The following TBC1D9 variants were observed in gnomAD, a reference collection of about 807,000 sequenced individuals.
TBC1D9 encodes TBC1 domain family member 9A.
Under a neutral mutation model 132.0 loss-of-function variants are expected in TBC1D9, and 63 were observed. That is an observed-to-expected ratio of 0.48 (90% CI 0.39 to 0.59). TBC1D9 has a LOEUF of 0.59. Ranked by LOEUF, TBC1D9 falls within the 20% of genes least tolerant of loss-of-function variation. The pLI is 0.00. For missense variants in TBC1D9, 1,261 were observed against 1,592.7 expected (o/e 0.79, Z 3.54); for synonymous variants, 610 against 609.9 (o/e 1.00, Z 0.00).
intron 13 of TBC1D9, chr4:140,643,573 C>T: frequency 1.1e-6 from 1 of 886,380 alleles, no homozygotes; most frequent in South Asian, 1.6e-5. Flanking sequence ...GGCTGGGGCT[C>T]GCTCAGGGCC....
At chr4:140,641,105 C>CAAAAAAAAAAAAAAAAAAAAAAAA (rs1038335139) in intron 13 of TBC1D9, among the ~76,000 whole-genome samples, 4 of 59,778 alleles carry the variant, frequency 6.7e-5, no homozygotes, top group South Asian at 7.6e-4. Flanking sequence ...AAAAAAAAAA[C>CAAAAAAAAAAAAAAAAAAAAAAAA]AAAAAAAAAC....
rs35117175 is a variant in TBC1D9 at position 140,666,734 on chromosome 4, T to TAAAAA, written c.1588+2178_1588+2182dup. Among the ~76,000 whole-genome samples, 1,180 of 145,564 alleles carry TAAAAA rather than the reference T, an allele frequency of 8.1e-3. 13 individuals are homozygous for TAAAAA. Among genetic ancestry groups the TAAAAA allele is most frequent in the Non-Finnish European group, 0.012 (826 of 66,262 alleles). On this transcript the variant is annotated intron_variant, in intron 9 of 20. Transcript: ENST00000442267. Reference sequence around the variant, plus strand: ...TCATTGCACAATTCTGTGAATATACTAAAAAAAAAAAACCACTGAATTGTA... The same window carrying TAAAAA: ...TCATTGCACAATTCTGTGAATATACTAAAAAAAAAAAAAAAAACCACTGAATTGTA...
intron 9 of TBC1D9, among the ~76,000 whole-genome samples, chr4:140,663,745 G>C (rs1737400809): frequency 6.6e-6 from 1 of 151,998 alleles, no homozygotes; most frequent in South Asian, 2.1e-4. Flanking sequence ...TGATAACATG[G>C]TTGAACCCAG....
chr4:140,741,891 T>C (rs1296838927), intron 1 of TBC1D9, among the ~76,000 whole-genome samples: 1 of 152,212 alleles, frequency 6.6e-6, no homozygotes, highest in Non-Finnish European at 1.5e-5. Flanking sequence ...TTCCAATCAA[T>C]TGCCAATCAG....
At chr4:140,640,088 TA>T (rs1736960507) in intron 13 of TBC1D9, among the ~76,000 whole-genome samples, 1 of 152,142 alleles carries the variant, frequency 6.6e-6, no homozygotes, top group Admixed American at 6.5e-5. Flanking sequence ...GTGACTGCAA[TA>T]GTTAAATATA....
chr4:140,622,207 G>A lies in TBC1D9; in HGVS notation c.3789C>T (p.Ala1263=). ...LTSASDYEIS[A]MSG The stretch of plus-strand genomic sequence containing the variant: ...GAAGGCGCCCGTGTCAGCCGGACAT[G>A]GCCGAGATTTCATAGTCACTGGCCG... Residue 1263 remains alanine, a synonymous_variant, in exon 21 of 21, where the codon GCC becomes GCT. Transcript: ENST00000442267. The A allele has an allele frequency of 6.3e-7, 1 of 1,580,750 alleles. No individual in the cohort carries two copies.
In TBC1D9 at chr4:140,669,804, C is replaced by T. The variant is rs1737507730; in HGVS notation, c.1267G>A (p.Val423Met). 3 of 1,611,550 alleles carry T rather than the reference C, an allele frequency of 1.9e-6. No homozygotes were observed. The highest frequency in any genetic ancestry group is 2.5e-6 in the Non-Finnish European group (3 of 1,178,128). ...AGSYNSSDDE[V>M]YSRPSSLVSS... is the part of the protein sequence containing the mutation. ...ACGAGGCTGCTGGGTCGAGAGTACACCTGTCAATACAGAGAGGAACAAGAC... is the reference window on the plus strand; with the variant it reads ...ACGAGGCTGCTGGGTCGAGAGTACATCTGTCAATACAGAGAGGAACAAGAC... The change falls in exon 8 of 21, where the codon GTG becomes ATG. Residue 423 changes from valine (V) to methionine (M), a missense_variant and splice_region_variant. Val to Met is a conservative substitution (Grantham distance 21). Transcript: ENST00000442267.
intron 3 of TBC1D9, among the ~76,000 whole-genome samples, chr4:140,685,923 C>G (rs1248711894): frequency 6.8e-6 from 1 of 147,040 alleles, no homozygotes; most frequent in African/African-American, 2.6e-5. Context: ...TCCATAGTGA[C>G]TAGGTGACTA....
At chr4:140,697,282 G>A (rs1008827412) in intron 2 of TBC1D9, among the ~76,000 whole-genome samples, 2 of 152,056 alleles carry the variant, frequency 1.3e-5, no homozygotes, top group South Asian at 2.1e-4. Context: ...CCTGGGAGGT[G>A]GAGGTGGGAG....
rs548835567 is a variant in TBC1D9, at chr4:140,682,038, A to C, written c.361-2195T>G. ...ATATCTAGCACCTAAAAGATGTTCA[A>C]TATTACTAAATGAATCCATGTTGTT... On this transcript the variant is annotated intron_variant, in intron 3 of 20. Transcript: ENST00000442267. Among the ~76,000 whole-genome samples the C allele has an allele frequency of 6.6e-5, 10 of 152,348 alleles. No individual in the cohort carries two copies. In the South Asian group the frequency reaches 1.9e-3, roughly 28 times the overall value.
chr4:140,625,631 G>A (rs1023732696), intron 18 of TBC1D9, among the ~76,000 whole-genome samples: 4 of 152,170 alleles, frequency 2.6e-5, no homozygotes, highest in African/African-American at 7.2e-5. Context: ...TGAAAATGAT[G>A]TAGGCAACAA....
chr4:140,623,732 TA>T (rs1272607603), intron 20 of TBC1D9, among the ~76,000 whole-genome samples: 1 of 152,196 alleles, frequency 6.6e-6, no homozygotes, highest in African/African-American at 2.4e-5. Flanking sequence ...TATAATTATT[TA>T]TATTGTTTTT....
chr4:140,669,764 T>C lies in TBC1D9; in HGVS notation c.1307A>G (p.Gln436Arg), dbSNP rs768107850. 5 of 1,613,778 alleles carry C rather than the reference T, an allele frequency of 3.1e-6. No individual in the cohort carries two copies. The African/African-American group carries it at 5.3e-5, about 17-fold the overall frequency. Residue 436 changes from glutamine to arginine, a missense_variant, in exon 8 of 21, where the codon CAG (glutamine) becomes CGG (arginine). Gln to Arg is a conservative substitution (Grantham distance 43). Around this residue, in one of 3 missense-constraint regions of TBC1D9, gnomAD observed 550 missense variants for 699.0 expected, o/e 0.79. Coordinates refer to ENST00000442267, the MANE Select transcript of TBC1D9 (RefSeq NM_015130.3). ...ATCAGCATCAGAGCTCGTGCTTCTC[T>C]GGGGGCTGGAGGAGACGAGGCTGCT... ...RPSSLVSSSPQRSTSSDADGE... is the reference protein window; with the variant it reads ...RPSSLVSSSPRRSTSSDADGE...
chr4:140,640,477 A>G (rs1736968964), intron 13 of TBC1D9, among the ~76,000 whole-genome samples: 3 of 151,696 alleles, frequency 2.0e-5, no homozygotes. Flanking sequence ...GGTGATTTCT[A>G]GTCTTCTGTG....
At chr4:140,643,384 G>GCAGCTCCATGGC in intron 13 of TBC1D9, 1 of 1,199,174 alleles carries the variant, frequency 8.3e-7, no homozygotes, top group Non-Finnish European at 1.2e-6. Context: ...CTGGCCTGGG[G>GCAGCTCCATGGC]CAGCTCCATG....
At chr4:140,723,112 T>A (rs1578856496) in intron 1 of TBC1D9, among the ~76,000 whole-genome samples, 2 of 152,228 alleles carry the variant, frequency 1.3e-5, no homozygotes, top group Non-Finnish European at 2.9e-5. Context: ...TTATGGCATC[T>A]TGAATTACAA....
intron 1 of TBC1D9, among the ~76,000 whole-genome samples, chr4:140,753,620 C>A (rs1027081004): frequency 1.3e-5 from 2 of 152,208 alleles, no homozygotes; most frequent in Non-Finnish European, 2.9e-5. Context: ...GTTCAAATAA[C>A]CATGCCTCTA....
chr4:140,722,211 T>C (rs1047769194), intron 1 of TBC1D9, among the ~76,000 whole-genome samples: 1 of 152,188 alleles, frequency 6.6e-6, no homozygotes, highest in Non-Finnish European at 1.5e-5. Flanking sequence ...GGAACATGCC[T>C]GAGAAATTCC....
chr4:140,745,007 A>G (rs1738816484), intron 1 of TBC1D9, among the ~76,000 whole-genome samples: 1 of 152,034 alleles, frequency 6.6e-6, no homozygotes, highest in Non-Finnish European at 1.5e-5. Flanking sequence ...CCAGATCTAT[A>G]GATAATAACT....
Sources: allele counts gnomAD v4.1 joint callset (sites outside exome capture counted in the v4.1 genomes callset), GRCh38; gene constraint gnomAD v4.1.1; regional missense constraint gnomAD v4.1.1; transcripts MANE v1.5; gene names NCBI Gene and HGNC (gene_info 2026-07-23, HGNC 2026-07-21).